PAX3: variants seen among roughly 807,000 people sequenced by gnomAD.
PAX3 encodes the protein paired box 3.
In PAX3, 14 loss-of-function variants were observed where a neutral mutation model predicts 51.6. The observed-to-expected ratio is 0.27, with a 90% CI of 0.18 to 0.42. The LOEUF is 0.42. Ranked by LOEUF, PAX3 falls within the 10% of genes least tolerant of loss-of-function variation. The pLI is 1.00. For synonymous variants in PAX3, 280 were observed against 253.4 expected, an observed-to-expected ratio of 1.11 and a Z score of -1.00; for missense variants, 540 against 642.8, an observed-to-expected ratio of 0.84 and a Z score of 1.73.
intron 7 of PAX3, among the ~76,000 whole-genome samples, chr2:222,218,243 T>G (rs1481602722): frequency 6.6e-6 from 1 of 152,202 alleles, no homozygotes; most frequent in Admixed American, 6.5e-5. Context: ...TCCAGAATCA[T>G]AGCCAGGCTT....
intron 4 of PAX3, chr2:222,264,910 A>T (rs2106150000): frequency 6.6e-6 from 1 of 152,364 alleles, no homozygotes; most frequent in East Asian, 1.9e-4. Flanking sequence ...TCACTCTGCC[A>T]GTAATACCAT....
At chr2:222,225,241 C>T (rs1189704868) in intron 5 of PAX3, among the ~76,000 whole-genome samples, 1 of 152,210 alleles carries the variant, frequency 6.6e-6, no homozygotes, top group East Asian at 1.9e-4. Flanking sequence ...TTTTATCTGC[C>T]GCCTGTACTT....
At chr2:222,206,227 A>T (rs1230702647) in intron 7 of PAX3, among the ~76,000 whole-genome samples, 1 of 152,016 alleles carries the variant, frequency 6.6e-6, no homozygotes, top group Non-Finnish European at 1.5e-5. Flanking sequence ...ATTCAAGGCT[A>T]CCCAGTTCTG....
At chr2:222,295,689 C>A (rs1330895190) in intron 2 of PAX3, 32 bp from the exon 3 acceptor site, 1 of 1,613,350 alleles carries the variant, frequency 6.2e-7, no homozygotes, top group East Asian at 2.2e-5. Flanking sequence ...GGCGTTGGTA[C>A]CCGGTACCCT....
intron 4 of PAX3, among the ~76,000 whole-genome samples, chr2:222,280,307 A>AGGAGGGAGGAGGGGGAGGGGAGG: frequency 8.5e-6 from 1 of 117,448 alleles, no homozygotes; most frequent in African/African-American, 3.2e-5. Context: ...GAGGGAGGGA[A>AGGAGGGAGGAGGGGGAGGGGAGG]GGAGGGAGGA....
In PAX3 at chr2:222,295,604, G is replaced by C; in HGVS notation, c.375C>G (p.Asn125Lys). The change falls in exon 3 of 9, where the codon AAC becomes AAG. Residue 125 changes from asparagine (N) to lysine (K), a missense_variant. Physicochemically the swap from Asn to Lys is moderately conservative, Grantham distance 94. Coordinates refer to ENST00000392070, the MANE Select transcript of PAX3 (RefSeq NM_181458.4). The stretch of plus-strand genomic sequence containing the variant: ...GGATTTCCCAGCTGAACATGCCCGG[G>C]TTCTCTCTTTTGTATTCCTCAATTT... ...EKKIEEYKRE[N>K]PGMFSWEIRD... 6.2e-7 allele frequency: 1 copy of C among 1,614,172 alleles called. No homozygotes were observed. Among genetic ancestry groups the C allele is most frequent in the Non-Finnish European group, 8.5e-7 (1 of 1,180,006 alleles).
intron 4 of PAX3, chr2:222,263,074 G>A (rs534566440): frequency 1.3e-5 from 2 of 152,254 alleles, no homozygotes; most frequent in Non-Finnish European, 1.5e-5. Flanking sequence ...TAGATGTGAT[G>A]CTTAAAAGCA....
At chr2:222,228,699 C>T (rs1210544499) in intron 5 of PAX3, among the ~76,000 whole-genome samples, 2 of 152,086 alleles carry the variant, frequency 1.3e-5, no homozygotes, top group African/African-American at 2.4e-5. Flanking sequence ...CTTTGAGACG[C>T]TGAGGAGGGA....
At chr2:222,243,916 C>T (rs913653176) in intron 4 of PAX3, among the ~76,000 whole-genome samples, 8 of 152,292 alleles carry the variant, frequency 5.3e-5, no homozygotes, top group African/African-American at 1.9e-4. Flanking sequence ...GAATTAGCAG[C>T]AACATCAAGG....
chr2:222,298,139 T>C (rs1012468201), intron 1 of PAX3: 7 of 242,514 alleles, frequency 2.9e-5, no homozygotes, highest in Non-Finnish European at 4.0e-5. Context: ...AACTAACATA[T>C]GTTTCACAAG....
chr2:222,201,086 T>A lies in PAX3; in HGVS notation c.*322A>T. On this transcript the variant is annotated 3_prime_UTR_variant, in exon 9 of 9. Transcript: ENST00000392070. ...ACGCACACAAGCAAATGGAATGTTCTAGCTCCTCGATGATCAGCACTAAAG... is the reference window on the plus strand; with the variant it reads ...ACGCACACAAGCAAATGGAATGTTCAAGCTCCTCGATGATCAGCACTAAAG... 7.2e-7 allele frequency: 1 copy of A among 1,395,708 alleles called. No homozygotes were observed. Among genetic ancestry groups the A allele is most frequent in the Non-Finnish European group, 1.0e-6 (1 of 992,272 alleles). 86.5% of individuals were successfully genotyped at this position (1,395,708 alleles called of 1,614,324 possible). A position where few individuals can be genotyped will look rare whatever the true frequency, so the allele number is the denominator to read the frequency against.
At chr2:222,215,429 A>G (rs561158673) in intron 7 of PAX3, among the ~76,000 whole-genome samples, 1 of 152,264 alleles carries the variant, frequency 6.6e-6, no homozygotes, top group South Asian at 2.1e-4. Flanking sequence ...CTGATACTGT[A>G]TTTCACTCAG....
chr2:222,293,992 A>C (rs1695148186), intron 4 of PAX3, 175 bp downstream of exon 4: 2 of 1,532,160 alleles, frequency 1.3e-6, no homozygotes, highest in Admixed American at 2.1e-5. Context: ...GTTTGTTTTG[A>C]TTCCTAGTGT....
intron 4 of PAX3, among the ~76,000 whole-genome samples, chr2:222,249,847 C>G (rs1006676258): frequency 6.6e-6 from 1 of 152,086 alleles, no homozygotes; most frequent in Non-Finnish European, 1.5e-5. Flanking sequence ...ATAACAGTAA[C>G]GACAGCCCTC....
At chr2:222,211,933 G>A (rs1048589034) in intron 7 of PAX3, among the ~76,000 whole-genome samples, 4 of 152,092 alleles carry the variant, frequency 2.6e-5, no homozygotes, top group African/African-American at 9.7e-5. Context: ...GCCTGCTTTG[G>A]GGAACAAGTC....
At chr2:222,260,718 G>A (rs1693832714) in intron 4 of PAX3, among the ~76,000 whole-genome samples, 1 of 150,700 alleles carries the variant, frequency 6.6e-6, no homozygotes, top group South Asian at 2.1e-4. Flanking sequence ...AGCTTCCTGA[G>A]TAGCTGGAAT....
At position 222,296,968 on chromosome 2, in the gene PAX3, G is replaced by T. The variant is rs140960868; in HGVS notation, c.321+10C>A. 661 of 1,606,284 alleles carry T rather than the reference G, an allele frequency of 4.1e-4. 3 individuals are homozygous for T. The East Asian group carries it at 0.011, about 26-fold the overall frequency. On this transcript the variant is annotated intron_variant, in intron 2 of 8. Coordinates refer to ENST00000392070, the MANE Select transcript of PAX3 (RefSeq NM_181458.4). The stretch of plus-strand genomic sequence containing the variant: ...TCTGGGAGCCAGGAGGGCAAGGCCC[G>T]CCCGCTCACCTTGGGCTTGCTGCCG...
intron 1 of PAX3, 145 bp from the exon 2 acceptor site, chr2:222,297,358 A>G (rs982366592): frequency 2.8e-6 from 2 of 703,382 alleles, no homozygotes; most frequent in Non-Finnish European, 5.2e-6. Context: ...TCGGACTCCC[A>G]GACCCAGACC....
intron 4 of PAX3, among the ~76,000 whole-genome samples, chr2:222,257,648 T>C (rs1178120159): frequency 6.6e-6 from 1 of 152,208 alleles, no homozygotes; most frequent in Non-Finnish European, 1.5e-5. Flanking sequence ...CATGTACCAG[T>C]CACTGTATGA....
Sources: allele counts gnomAD v4.1 joint callset (sites outside exome capture counted in the v4.1 genomes callset), GRCh38; gene constraint gnomAD v4.1.1; transcripts MANE v1.5; gene names NCBI Gene and HGNC (gene_info 2026-07-23, HGNC 2026-07-21).